The following OPA3 variants were observed in gnomAD, a reference collection of about 807,000 sequenced individuals.
OPA3 encodes the protein outer mitochondrial membrane lipid metabolism regulator OPA3.
In OPA3, 6 loss-of-function variants were observed where a neutral mutation model predicts 4.0. That is an observed-to-expected ratio of 1.51 (90% CI 0.83 to 2.99). The LOEUF is 2.99. Ranked by LOEUF, OPA3 falls within the 30% of genes most tolerant of loss-of-function variation. The pLI is 0.00. For missense variants in OPA3, 235 were observed against 256.2 expected (o/e 0.92, Z 0.56); for synonymous variants, 105 against 117.1 (o/e 0.90, Z 0.67).
At position 45,546,286 on chromosome 19, in the gene OPA3, G is replaced by C. The variant is rs944303566; in HGVS notation, c.*7228C>G. 6.2e-6 allele frequency: 3 copies of C among 483,178 alleles called. No individual in the cohort carries two copies. The highest frequency in any genetic ancestry group is 2.1e-5 in the African/African-American group (1 of 47,370). 29.9% of individuals were successfully genotyped at this position (483,178 alleles called of 1,614,324 possible). ...ATTAAACCGGGCTGCAAATATTAAG[G>C]GTAATTATTTAATGAAACTTTCATT... On this transcript the variant is annotated 3_prime_UTR_variant, in exon 2 of 2. Coordinates refer to ENST00000263275, the MANE Select transcript of OPA3 (RefSeq NM_025136.4).
rs1599953412 is a variant in OPA3 at position 45,540,641 on chromosome 19, G to A, written c.143-11185C>T. 4.0e-5 allele frequency among the ~76,000 whole-genome samples: 6 copies of A among 151,436 alleles called. No individual in the cohort carries two copies. In the South Asian group the frequency reaches 6.2e-4, roughly 16 times the overall value. On this transcript the variant is annotated intron_variant, in intron 1 of 1. Coordinates refer to the OPA3 transcript ENST00000323060. ...AGCACTTTGGGAGGCTGAGGCGGGC[G>A]GATCACCTGAAGTCAGGTGGGCGTG...
downstream of OPA3, among the ~76,000 whole-genome samples, chr19:45,541,559 A>G (rs937100959): frequency 6.6e-6 from 1 of 152,062 alleles, no homozygotes; most frequent in Middle Eastern, 3.2e-3. Flanking sequence ...ATAAAACAAA[A>G]TAAATAAGAG....
chr19:45,572,542 A>C (rs539023478), intron 1 of OPA3, among the ~76,000 whole-genome samples: 1 of 137,282 alleles, frequency 7.3e-6, no homozygotes, highest in Admixed American at 7.9e-5. Context: ...ATATCATATG[A>C]TATATATATC....
Position 45,553,914 on chromosome 19 carries a change from G to A in OPA3, c.143-3C>T. The A allele has an allele frequency of 6.2e-7, 1 of 1,602,044 alleles. No homozygotes were observed. Among genetic ancestry groups the A allele is most frequent in the Non-Finnish European group, 8.5e-7 (1 of 1,170,900 alleles). On this transcript the variant is annotated splice_polypyrimidine_tract_variant and splice_region_variant and intron_variant, in intron 1 of 1. Transcript: ENST00000263275. ...CCGCATCTCCACCCAGTGATACACT[G>A]CGGGGGAAGAGAGGGGTCAGGCTGC...
At chr19:45,538,102 A>G (rs1969143174) in intron 1 of OPA3, among the ~76,000 whole-genome samples, 1 of 119,586 alleles carries the variant, frequency 8.4e-6, no homozygotes, top group South Asian at 3.1e-4. Context: ...CTCCATATCA[A>G]AAAAAAAAAA....
rs1339335021 is a variant in OPA3, at chr19:45,568,919, A to G, written c.143-15008T>C. Among the ~76,000 whole-genome samples, 3 of 152,150 alleles carry G rather than the reference A, an allele frequency of 2.0e-5. No homozygotes were observed. In the East Asian group the frequency reaches 5.8e-4, roughly 29 times the overall value. ...TAACTAATACCCTCAAATGTGCCCC[A>G]TGAGAGCAAGGATCTTTGTTCTGTT... is the stretch of plus-strand genomic sequence containing the variant. On this transcript the variant is annotated intron_variant, in intron 1 of 1. Coordinates refer to ENST00000263275, the MANE Select transcript of OPA3 (RefSeq NM_025136.4).
At chr19:45,541,764 T>C (rs1486726508), downstream of OPA3, among the ~76,000 whole-genome samples, 1 of 151,978 alleles carries the variant, frequency 6.6e-6, no homozygotes, top group Non-Finnish European at 1.5e-5. Flanking sequence ...AGGGTCTCAC[T>C]ATGTTTCCCA....
rs1260183133 is a variant in OPA3, at chr19:45,536,319, G to A, written c.143-6863C>T. On this transcript the variant is annotated intron_variant, in intron 1 of 1. Transcript: ENST00000323060. ...AGCACTCTGGGAGGCTGAGGCAGGC[G>A]GATCACATGAGGTCAGGAGTTTGAG... is the stretch of plus-strand genomic sequence containing the variant. Among the ~76,000 whole-genome samples the A allele has an allele frequency of 5.9e-5, 9 of 151,468 alleles. No homozygotes were observed. In the South Asian group the frequency reaches 8.3e-4, roughly 14 times the overall value.
intron 1 of OPA3, among the ~76,000 whole-genome samples, chr19:45,560,673 C>A (rs1293231650): frequency 6.6e-6 from 1 of 152,062 alleles, no homozygotes; most frequent in Non-Finnish European, 1.5e-5. Flanking sequence ...CTCAGGGCAC[C>A]ATTTCCTAAG....
chr19:45,548,198 T>C lies in OPA3; in HGVS notation c.*5316A>G. The C allele has an allele frequency of 2.0e-6, 2 of 986,146 alleles. No individual in the cohort carries two copies. The highest frequency in any genetic ancestry group is 9.4e-5 in the South Asian group (2 of 21,292). 61.1% of individuals were successfully genotyped at this position (986,146 alleles called of 1,614,324 possible). A position where few individuals can be genotyped will look rare whatever the true frequency, so the allele number is the denominator to read the frequency against. Reference sequence around the variant, plus strand: ...CCATTGCCACTGGGGGACCCAAGCCTGCCACTCAGCAACACAGCGACCAGC... The same window carrying C: ...CCATTGCCACTGGGGGACCCAAGCCCGCCACTCAGCAACACAGCGACCAGC... On this transcript the variant is annotated 3_prime_UTR_variant, in exon 2 of 2. Coordinates refer to ENST00000263275, the MANE Select transcript of OPA3 (RefSeq NM_025136.4).
At chr19:45,575,065 C>A (rs550015254) in intron 1 of OPA3, among the ~76,000 whole-genome samples, 1 of 152,250 alleles carries the variant, frequency 6.6e-6, no homozygotes, top group East Asian at 1.9e-4. Flanking sequence ...CCAGGCAAGC[C>A]ACAAAGGTAA....
In OPA3 at chr19:45,550,127, C is replaced by T. The variant is rs3760844; in HGVS notation, c.*3387G>A. 0.65 allele frequency: 544,942 copies of T among 838,986 alleles called. 178,513 individuals are homozygous for T. Among genetic ancestry groups the T allele is most frequent in the East Asian group, 0.87 (7,037 of 8,056 alleles). The allele number at this position is 838,986 out of a possible 1,614,324, so 52.0% of individuals were successfully genotyped here. A position where few individuals can be genotyped will look rare whatever the true frequency, so the allele number is the denominator to read the frequency against. On this transcript the variant is annotated 3_prime_UTR_variant, in exon 2 of 2. Transcript: ENST00000263275. ...GAGCCGAGATTGCACCACTGCACTC[C>T]GTCAGGGTGACGGAGCTAGACTGTC...
At chr19:45,582,407 C>G (rs928059527) in intron 1 of OPA3, among the ~76,000 whole-genome samples, 2 of 152,080 alleles carry the variant, frequency 1.3e-5, no homozygotes, top group African/African-American at 4.8e-5. Flanking sequence ...TGCTCCACCC[C>G]CCTCAGCCTT....
At position 45,575,492 on chromosome 19, in the gene OPA3, G is replaced by C. The variant is rs1348852208; in HGVS notation, c.142+9131C>G. Among the ~76,000 whole-genome samples the C allele has an allele frequency of 7.2e-5, 11 of 152,252 alleles. No individual in the cohort carries two copies. The East Asian group carries it at 2.1e-3, about 29-fold the overall frequency. ...GCCTAAATTCATAAGAATGGCCACA[G>C]AGCTGAGCACTTCTGAAAAAATGAC... On this transcript the variant is annotated intron_variant, in intron 1 of 1. Coordinates refer to ENST00000263275, the MANE Select transcript of OPA3 (RefSeq NM_025136.4).
chr19:45,574,122 A>G (rs1279650782), intron 1 of OPA3, among the ~76,000 whole-genome samples: 8 of 147,706 alleles, frequency 5.4e-5, no homozygotes, highest in East Asian at 2.0e-4. Context: ...GGCTGGGCGC[A>G]GTGGCTCACG....
At chr19:45,571,436 C>T (rs576864473) in intron 1 of OPA3, among the ~76,000 whole-genome samples, 1 of 152,254 alleles carries the variant, frequency 6.6e-6, no homozygotes, top group South Asian at 2.1e-4. Context: ...CATGAGCCAC[C>T]GTGCCTGGCT....
chr19:45,549,244 T>C lies in OPA3; in HGVS notation c.*4270A>G. The C allele has an allele frequency of 2.0e-6, 2 of 985,446 alleles. No homozygotes were observed. Among genetic ancestry groups the C allele is most frequent in the Non-Finnish European group, 2.4e-6 (2 of 829,952 alleles). The allele number at this position is 985,446 out of a possible 1,614,324, so 61.0% of individuals were successfully genotyped here. On this transcript the variant is annotated 3_prime_UTR_variant, in exon 2 of 2. Coordinates refer to ENST00000263275, the MANE Select transcript of OPA3 (RefSeq NM_025136.4). Reference sequence around the variant, plus strand: ...AGCAGAACACACGAGCAGTGAACCATCCTCTGGCCTCTTGCATTTTGAGAG... The same window carrying C: ...AGCAGAACACACGAGCAGTGAACCACCCTCTGGCCTCTTGCATTTTGAGAG...
At chr19:45,534,170 G>GA (rs1399175024) in intron 1 of OPA3, among the ~76,000 whole-genome samples, 1 of 152,170 alleles carries the variant, frequency 6.6e-6, no homozygotes, top group Non-Finnish European at 1.5e-5. Context: ...AGAGCCTCCT[G>GA]AAAATACAAC....
At chr19:45,578,624 T>TA (rs887997580) in intron 1 of OPA3, among the ~76,000 whole-genome samples, 1 of 151,872 alleles carries the variant, frequency 6.6e-6, no homozygotes, top group Non-Finnish European at 1.5e-5. Context: ...CGTTGGGAGT[T>TA]AGAGACCAGC....
Sources: gnomAD v4.1 joint callset for allele counts (sites outside exome capture counted in the v4.1 genomes callset) on GRCh38, gnomAD v4.1.1 for gene constraint, MANE v1.5 for transcripts, NCBI Gene and HGNC (gene_info 2026-07-23, HGNC 2026-07-21) for gene names.